Variants in GKN1 observed in about 807,000 individuals in gnomAD.
GKN1 encodes gastrokine-1.
A neutral mutation model predicts 19.7 loss-of-function variants in GKN1; 17 were observed. The ratio of observed to expected loss-of-function variants is 0.86; its 90% CI spans 0.59 to 1.29. The LOEUF (loss-of-function observed/expected upper bound fraction) is 1.29, where lower values mean the gene tolerates loss of function less well. Ranked by LOEUF, GKN1 falls within the 50% of genes most tolerant of loss-of-function variation. GKN1 has a pLI of 0.00. For missense variants in GKN1, 218 were observed against 224.5 expected (o/e 0.97, Z 0.19); for synonymous variants, 96 against 78.3 (o/e 1.23, Z -1.20).
At chr2:68,975,603 TA>T (rs1670247536) in intron 1 of GKN1, among the ~76,000 whole-genome samples, 1 of 152,172 alleles carries the variant, frequency 6.6e-6, no homozygotes. Flanking sequence ...GCTGCAAATG[TA>T]AAATGACTAC....
chr2:68,976,063 G>A (rs967604649), intron 1 of GKN1, among the ~76,000 whole-genome samples: 1 of 151,882 alleles, frequency 6.6e-6, no homozygotes, highest in African/African-American at 2.4e-5. Context: ...TAGTGACATC[G>A]CCTCTGCTGA....
chr2:68,978,022 A>G (rs1047945717), intron 3 of GKN1: 4 of 479,976 alleles, frequency 8.3e-6, no homozygotes, highest in African/African-American at 1.9e-5. Flanking sequence ...TTGTGGGTAT[A>G]TACAACAAAT....
chr2:68,976,420 G>A (rs991684215), intron 1 of GKN1, among the ~76,000 whole-genome samples: 14 of 151,990 alleles, frequency 9.2e-5, no homozygotes, highest in Non-Finnish European at 1.8e-4. Context: ...TTACCTAGGA[G>A]GTCAAAATAT....
rs1452265090 is a variant in GKN1, at chr2:68,978,978, G to T, written c.312G>T (p.Lys104Asn). ...CCCTTGATGCACTGGTCAAGGAAAA[G>T]AAGGTAAAAATAAAAGGCTTTTTAT... ...IQSLDALVKEKKLQGKGPGGP... is the reference protein window; with the variant it reads ...IQSLDALVKENKLQGKGPGGP... The change falls in exon 4 of 6, where the codon AAG (lysine) becomes AAT (asparagine). Residue 104 changes from lysine to asparagine, a missense_variant. By Grantham distance (94) the Lys-to-Asn change is moderately conservative. Coordinates refer to ENST00000377938, the MANE Select transcript of GKN1 (RefSeq NM_019617.4). The T allele has an allele frequency of 6.5e-7, 1 of 1,536,692 alleles. No homozygotes were observed. The highest frequency in any genetic ancestry group is 9.0e-7 in the Non-Finnish European group (1 of 1,113,340).
At chr2:68,979,417 T>A (rs6758950) in intron 4 of GKN1, among the ~76,000 whole-genome samples, 3,135 of 152,324 alleles carry the variant, frequency 0.021, 95 homozygotes, top group African/African-American at 0.07. Flanking sequence ...AGATCCATTG[T>A]TTATCTGAAA....
intron 1 of GKN1, among the ~76,000 whole-genome samples, chr2:68,976,719 A>G (rs1397608428): frequency 6.6e-6 from 1 of 152,164 alleles, no homozygotes; most frequent in African/African-American, 2.4e-5. Flanking sequence ...CCAAATATCT[A>G]CTCAAGGTAG....
intron 1 of GKN1, among the ~76,000 whole-genome samples, chr2:68,976,916 C>T (rs1250136209): frequency 6.6e-6 from 1 of 152,064 alleles, no homozygotes; most frequent in Non-Finnish European, 1.5e-5. Context: ...AGCATTCTGA[C>T]CAATGATAAT....
rs1670284755 is a variant in GKN1, at chr2:68,977,699, C to T, written c.129C>T (p.Asn43=). 2 of 1,605,374 alleles carry T rather than the reference C, an allele frequency of 1.2e-6. No homozygotes were observed. Among genetic ancestry groups the T allele is most frequent in the African/African-American group, 1.3e-5 (1 of 74,846 alleles). The part of the protein sequence containing the change: ...AGSGQQSVSV[N]NEHNVANVDN... Reference sequence around the variant, plus strand: ...GTGGGCAGCAGTCAGTGAGTGTCAACAATGAACACAATGTGGCCAATGTTG... The same window carrying T: ...GTGGGCAGCAGTCAGTGAGTGTCAATAATGAACACAATGTGGCCAATGTTG... The change falls in exon 3 of 6, where the codon AAC becomes AAT. Residue 43 remains asparagine (N), a synonymous_variant. Transcript: ENST00000377938.
Position 68,980,600 on chromosome 2 carries a change from A to G in GKN1, c.464-129A>G, listed in dbSNP as rs76567911. 5.0e-4 allele frequency: 312 copies of G among 620,114 alleles called. No homozygotes were observed. In the African/African-American group the frequency reaches 5.5e-3, roughly 11 times the overall value. 38.4% of individuals were successfully genotyped at this position (620,114 alleles called of 1,614,324 possible). ...CCAGATCTCTGAATTGATTGATTTC[A>G]TCACAACAAGTAGATAAACCTTGAC... On this transcript the variant is annotated intron_variant, in intron 5 of 5. Coordinates refer to ENST00000377938, the MANE Select transcript of GKN1 (RefSeq NM_019617.4).
At position 68,974,636 on chromosome 2, in the gene GKN1, A is replaced by C; in HGVS notation, c.-42A>C. On this transcript the variant is annotated 5_prime_UTR_variant, in exon 1 of 6. It removes an upstream start codon present in the reference 5' UTR. Coordinates refer to ENST00000377938, the MANE Select transcript of GKN1 (RefSeq NM_019617.4). ...ATGAGAAGGCTTCTCATTCAGGTCC[A>C]TGCTTGCCTACTCCTCTGTCCACTG... The C allele has an allele frequency of 6.3e-7, 1 of 1,595,576 alleles. No individual in the cohort carries two copies. The highest frequency in any genetic ancestry group is 8.6e-7 in the Non-Finnish European group (1 of 1,163,108).
chr2:68,978,329 AAG>A (rs748381448), intron 3 of GKN1, among the ~76,000 whole-genome samples: 3 of 150,432 alleles, frequency 2.0e-5, no homozygotes, highest in East Asian at 2.0e-4. Flanking sequence ...AAAAGAGAGA[AAG>A]AGAGAAGGAA....
In GKN1 at chr2:68,980,761, T is replaced by G. The variant is rs896618563; in HGVS notation, c.496T>G (p.Tyr166Asp). The change falls in exon 6 of 6, where the codon TAC becomes GAC. Residue 166 changes from tyrosine to aspartate, a missense_variant. Coordinates refer to ENST00000377938, the MANE Select transcript of GKN1 (RefSeq NM_019617.4). ...CCTGTTTTTTTACTCAGGAACGTGCTACACGACCAGTGTACTATGGATTGT... is the reference window on the plus strand; with the variant it reads ...CCTGTTTTTTTACTCAGGAACGTGCGACACGACCAGTGTACTATGGATTGT... The part of the protein sequence containing the change: ...ASLFFYSGTC[Y>D]TTSVLWIVDI... The G allele has an allele frequency of 1.9e-6, 3 of 1,596,752 alleles. No individual in the cohort carries two copies. The highest frequency in any genetic ancestry group is 2.6e-6 in the Non-Finnish European group (3 of 1,164,204).
chr2:68,977,966 G>T (rs1670289951), intron 3 of GKN1, 192 bp downstream of exon 3: 1 of 577,960 alleles, frequency 1.7e-6, no homozygotes, highest in Admixed American at 3.0e-5. Flanking sequence ...AATAAGTGTT[G>T]CATGATCAGT....
At chr2:68,979,052 TCA>T (rs1291696194) in intron 4 of GKN1, 71 bp downstream of exon 4, 21 of 741,950 alleles carry the variant, frequency 2.8e-5, no homozygotes, top group Non-Finnish European at 4.6e-5. Context: ...AACGAGAAGA[TCA>T]CAGTCATTCC....
intron 2 of GKN1, 24 bp downstream of exon 2, chr2:68,977,572 G>T (rs986984110): frequency 1.9e-6 from 3 of 1,607,008 alleles, no homozygotes; most frequent in African/African-American, 2.7e-5. Context: ...TTTCAAGTTT[G>T]CTACCAAAAT....
chr2:68,975,622 T>TA (rs1014484427), intron 1 of GKN1, among the ~76,000 whole-genome samples: 2 of 152,136 alleles, frequency 1.3e-5, no homozygotes, highest in African/African-American at 2.4e-5. Context: ...TACCTAGAAC[T>TA]AGGTCCTCTT....
intron 3 of GKN1, 144 bp downstream of exon 3, chr2:68,977,918 T>G (rs1019753081): frequency 1.5e-6 from 1 of 677,342 alleles, no homozygotes; most frequent in African/African-American, 1.8e-5. Flanking sequence ...GTGACCATTT[T>G]GCTCATCCGA....
At chr2:68,975,376 G>A (rs1240924073) in intron 1 of GKN1, among the ~76,000 whole-genome samples, 5 of 152,132 alleles carry the variant, frequency 3.3e-5, no homozygotes, top group African/African-American at 1.2e-4. Flanking sequence ...ATTTAAGAAA[G>A]CATCTGAAAC....
Position 68,980,781 on chromosome 2 carries a change from G to C in GKN1, c.516G>C (p.Trp172Cys). The C allele has an allele frequency of 1.9e-6, 3 of 1,597,626 alleles. No individual in the cohort carries two copies. Among genetic ancestry groups the C allele is most frequent in the Non-Finnish European group, 2.6e-6 (3 of 1,165,048 alleles). ...CGTGCTACACGACCAGTGTACTATGGATTGTGGACATTTCCTTCTGTGGAG... is the reference window on the plus strand; with the variant it reads ...CGTGCTACACGACCAGTGTACTATGCATTGTGGACATTTCCTTCTGTGGAG... Reference protein sequence around the residue: ...SGTCYTTSVLWIVDISFCGDT... With the variant: ...SGTCYTTSVLCIVDISFCGDT... The change falls in exon 6 of 6, where the codon TGG (tryptophan) becomes TGC (cysteine). Residue 172 changes from tryptophan (W) to cysteine (C), a missense_variant. Coordinates refer to ENST00000377938, the MANE Select transcript of GKN1 (RefSeq NM_019617.4).
Sources: gnomAD v4.1 joint callset for allele counts (sites outside exome capture counted in the v4.1 genomes callset) on GRCh38, gnomAD v4.1.1 for gene constraint, MANE v1.5 for transcripts, NCBI Gene and HGNC (gene_info 2026-07-23, HGNC 2026-07-21) for gene names.